MAGI1: variants seen among roughly 807,000 people sequenced by gnomAD.
The protein encoded by MAGI1 is membrane associated guanylate kinase, WW and PDZ domain containing 1, also known as membrane-associated guanylate kinase, WW and PDZ domain-containing protein 1.
Under a neutral mutation model 139.9 loss-of-function variants are expected in MAGI1, and 58 were observed. The ratio of observed to expected loss-of-function variants is 0.41; its 90% CI spans 0.34 to 0.52. The LOEUF (loss-of-function observed/expected upper bound fraction) is 0.52. Among genes scored for constraint, MAGI1 ranks in the 20% least tolerant of loss-of-function variants. The pLI is 0.12. For missense variants in MAGI1, 1,874 were observed against 1,901.6 expected, an observed-to-expected ratio of 0.99 and a Z score of 0.27; for synonymous variants, 812 against 737.9, an observed-to-expected ratio of 1.10 and a Z score of -1.63.
Position 65,798,845 on chromosome 3 carries a change from A to G in MAGI1, c.314-176757T>C, listed in dbSNP as rs74996495. Among the ~76,000 whole-genome samples, 160 of 152,354 alleles carry G rather than the reference A, an allele frequency of 1.1e-3. 1 individual carries two copies. The East Asian group carries it at 0.025, about 24-fold the overall frequency. On this transcript the variant is annotated intron_variant, in intron 1 of 22. Coordinates refer to ENST00000402939, the MANE Select transcript of MAGI1 (RefSeq NM_001033057.2). ...GAGTGATGTGATGAAATCTCTCACCATTCCACTGTGTCCAGCTCAAAGGGG... is the reference window on the plus strand; with the variant it reads ...GAGTGATGTGATGAAATCTCTCACCGTTCCACTGTGTCCAGCTCAAAGGGG...
At chr3:65,688,682 T>C (rs1483717064) in intron 1 of MAGI1, among the ~76,000 whole-genome samples, 2 of 152,170 alleles carry the variant, frequency 1.3e-5, no homozygotes, top group African/African-American at 4.8e-5. Flanking sequence ...TTCTTCATTA[T>C]AGATGAATGG....
chr3:65,916,732 C>T (rs2061924964), intron 1 of MAGI1, among the ~76,000 whole-genome samples: 1 of 152,114 alleles, frequency 6.6e-6, no homozygotes, highest in Admixed American at 6.6e-5. Context: ...GCTACTGCAC[C>T]TGGCCTATAT....
At chr3:65,486,564 A>G (rs1951651068) in intron 3 of MAGI1, among the ~76,000 whole-genome samples, 1 of 152,236 alleles carries the variant, frequency 6.6e-6, no homozygotes, top group Admixed American at 6.5e-5. Context: ...GCTCAGTGCC[A>G]CAATTAGGAA....
chr3:65,501,601 T>C (rs1195468566), intron 2 of MAGI1, among the ~76,000 whole-genome samples: 1 of 152,114 alleles, frequency 6.6e-6, no homozygotes, highest in East Asian at 1.9e-4. Flanking sequence ...CATGCCTTAT[T>C]GGGAAGAATA....
At chr3:65,822,089 C>A (rs1263372728) in intron 1 of MAGI1, among the ~76,000 whole-genome samples, 1 of 152,072 alleles carries the variant, frequency 6.6e-6, no homozygotes, top group Non-Finnish European at 1.5e-5. Flanking sequence ...GGGATGGGAT[C>A]AGGTAATCCA....
intron 1 of MAGI1, among the ~76,000 whole-genome samples, chr3:65,888,897 T>C (rs765595038): frequency 1.3e-5 from 2 of 152,076 alleles, no homozygotes; most frequent in Non-Finnish European, 2.9e-5. Context: ...GCTAAAAAAA[T>C]GTGAGTAAAA....
In MAGI1 at chr3:65,448,296, G is replaced by A. The variant is rs143752520; in HGVS notation, c.1043-239C>T. 1.2e-4 allele frequency: 73 copies of A among 584,398 alleles called. 1 individual carries two copies. Among genetic ancestry groups the A allele is most frequent in the East Asian group, 8.8e-4 (31 of 35,420 alleles). 36.2% of individuals were successfully genotyped at this position (584,398 alleles called of 1,614,324 possible). The stretch of plus-strand genomic sequence containing the variant: ...AATTACATGGCTCATTTCCTTGCAT[G>A]TCAAAATAGGATTTGATTGGTTGTA... On this transcript the variant is annotated intron_variant, in intron 6 of 22. Transcript: ENST00000402939.
intron 22 of MAGI1, chr3:65,360,589 C>A: frequency 1.0e-6 from 1 of 985,184 alleles, no homozygotes; most frequent in Non-Finnish European, 1.2e-6. Flanking sequence ...CATCCTTTAT[C>A]ATTTAAAAAC....
At chr3:65,641,491 T>C (rs1337209165) in intron 1 of MAGI1, among the ~76,000 whole-genome samples, 2 of 152,194 alleles carry the variant, frequency 1.3e-5, no homozygotes, top group Admixed American at 1.3e-4. Flanking sequence ...AGCCTACTTC[T>C]CAGACTGTGA....
intron 1 of MAGI1, among the ~76,000 whole-genome samples, chr3:65,669,655 T>A (rs1363416474): frequency 2.0e-5 from 3 of 152,242 alleles, no homozygotes; most frequent in Non-Finnish European, 4.4e-5. Flanking sequence ...ATGTTTCATT[T>A]CCTGTTACAA....
At chr3:65,736,136 T>C (rs1235659502) in intron 1 of MAGI1, among the ~76,000 whole-genome samples, 1 of 152,230 alleles carries the variant, frequency 6.6e-6, no homozygotes, top group Admixed American at 6.5e-5. Flanking sequence ...GTTCATTCTC[T>C]GTTACCATCA....
At chr3:65,365,091 A>C in intron 18 of MAGI1, 145 bp from the exon 19 acceptor site, 3 of 789,286 alleles carry the variant, frequency 3.8e-6, no homozygotes, top group Non-Finnish European at 7.0e-6. Context: ...TTTCTAGACA[A>C]TTAGGAGTTT....
In MAGI1 at chr3:65,356,472, G is replaced by C. The variant is rs1474945715; in HGVS notation, c.4295C>G (p.Ala1432Gly). The C allele has an allele frequency of 6.2e-7, 1 of 1,611,768 alleles. No homozygotes were observed. Among genetic ancestry groups the C allele is most frequent in the Non-Finnish European group, 8.5e-7 (1 of 1,179,928 alleles). ...DRASHREREE[A>G]NLKQDAGRSS... is the part of the protein sequence containing the mutation. ...TCTGCCGGCATCCTGTTTCAGATTCGCCTCTTCCCTTTCTCGGTGGCTGGC... is the reference window on the plus strand; with the variant it reads ...TCTGCCGGCATCCTGTTTCAGATTCCCCTCTTCCCTTTCTCGGTGGCTGGC... The change falls in exon 23 of 23, where the codon GCG becomes GGG. Residue 1432 changes from alanine to glycine, a missense_variant. Around this residue, in one of 5 missense-constraint regions of MAGI1, gnomAD observed 653 missense variants for 644.5 expected, o/e 1.01. Coordinates refer to ENST00000402939, the MANE Select transcript of MAGI1 (RefSeq NM_001033057.2).
At chr3:65,531,727 G>C (rs1377015043) in intron 2 of MAGI1, among the ~76,000 whole-genome samples, 1 of 152,110 alleles carries the variant, frequency 6.6e-6, no homozygotes, top group African/African-American at 2.4e-5. Flanking sequence ...TTGAGTCATG[G>C]CTCTTCCAGT....
chr3:65,972,645 A>G (rs1469229307), intron 1 of MAGI1, among the ~76,000 whole-genome samples: 1 of 152,130 alleles, frequency 6.6e-6, no homozygotes, highest in Non-Finnish European at 1.5e-5. Context: ...AAGGGCTAGG[A>G]CTGGGTGAGA....
chr3:65,656,979 C>CAAAAAAAAAAAAAAAAAAA (rs58817001), intron 1 of MAGI1, among the ~76,000 whole-genome samples: 1 of 73,960 alleles, frequency 1.4e-5, no homozygotes, highest in Non-Finnish European at 2.4e-5. Context: ...GACACCATCT[C>CAAAAAAAAAAAAAAAAAAA]AAAAAAAAAA....
chr3:65,959,858 T>G (rs1038156042), intron 1 of MAGI1, among the ~76,000 whole-genome samples: 4 of 124,204 alleles, frequency 3.2e-5, no homozygotes, highest in Non-Finnish European at 6.3e-5. Flanking sequence ...CAGGCTGGAG[T>G]GCAGTGGCGC....
At chr3:65,358,742 C>G in intron 22 of MAGI1, among the ~76,000 whole-genome samples, 1 of 152,110 alleles carries the variant, frequency 6.6e-6, no homozygotes, top group East Asian at 1.9e-4. Context: ...CTAGCAAAGC[C>G]CTACGATACA....
intron 1 of MAGI1, among the ~76,000 whole-genome samples, chr3:65,922,339 A>C (rs2062247931): frequency 6.6e-6 from 1 of 152,224 alleles, no homozygotes; most frequent in South Asian, 2.1e-4. Flanking sequence ...CTTTGCAGAT[A>C]TAATCAGTTG....
Sources: allele counts gnomAD v4.1 joint callset (sites outside exome capture counted in the v4.1 genomes callset), GRCh38; gene constraint gnomAD v4.1.1; regional missense constraint gnomAD v4.1.1; transcripts MANE v1.5; gene names NCBI Gene and HGNC (gene_info 2026-07-23, HGNC 2026-07-21).